The following AIG1 variants were observed in gnomAD, a reference collection of about 807,000 sequenced individuals.
The protein encoded by AIG1 is androgen-induced gene 1 protein.
In AIG1, 23 loss-of-function variants were observed where a neutral mutation model predicts 31.4. The observed-to-expected ratio is 0.73, with a 90% CI of 0.53 to 1.04. The LOEUF is 1.04. Ranked by LOEUF, AIG1 falls within the 50% of genes least tolerant of loss-of-function variation. The pLI is 0.00. For missense variants in AIG1, 274 were observed against 295.0 expected, an observed-to-expected ratio of 0.93 and a Z score of 0.52; for synonymous variants, 100 against 110.5, an observed-to-expected ratio of 0.90 and a Z score of 0.60.
intron 3 of AIG1, among the ~76,000 whole-genome samples, chr6:143,232,588 G>A (rs966291054): frequency 1.6e-4 from 25 of 152,192 alleles, no homozygotes; most frequent in African/African-American, 6.0e-4. Context: ...CTTCCTTTGA[G>A]GTAAAAATTG....
At chr6:143,217,907 CCTA>C (rs1290534409) in intron 3 of AIG1, among the ~76,000 whole-genome samples, 1 of 152,182 alleles carries the variant, frequency 6.6e-6, no homozygotes, top group African/African-American at 2.4e-5. Flanking sequence ...GTATTACCAA[CCTA>C]CTTTCCAGAA....
chr6:143,231,951 T>C (rs897851852), intron 3 of AIG1, among the ~76,000 whole-genome samples: 2 of 152,144 alleles, frequency 1.3e-5, no homozygotes, highest in South Asian at 2.1e-4. Context: ...TGGTGGAAGA[T>C]GAAAGGGAAA....
intron 3 of AIG1, among the ~76,000 whole-genome samples, chr6:143,282,469 A>G (rs962370347): frequency 1.3e-5 from 2 of 152,208 alleles, no homozygotes; most frequent in African/African-American, 4.8e-5. Context: ...ACTAGATTAT[A>G]ATGAAAAACC....
chr6:143,067,834 A>G (rs1480664467), intron 1 of AIG1, among the ~76,000 whole-genome samples: 1 of 152,146 alleles, frequency 6.6e-6, no homozygotes, highest in Non-Finnish European at 1.5e-5. Context: ...GGGGTTTTGG[A>G]TATTATACAG....
At position 143,171,696 on chromosome 6, in the gene AIG1, G is replaced by A. The variant is rs184561169; in HGVS notation, c.399+6513G>A. Among the ~76,000 whole-genome samples, 665 of 150,628 alleles carry A rather than the reference G, an allele frequency of 4.4e-3. 4 individuals carry two copies. The Middle Eastern group carries it at 0.072, about 16-fold the overall frequency. On this transcript the variant is annotated intron_variant, in intron 3 of 5. Transcript: ENST00000357847. ...CTTCTTTTCCTCTGAGTAGATACCC[G>A]GGAGTGGGATTTCTGTATCAAATGG...
chr6:143,262,592 G>T (rs1179419182), intron 3 of AIG1, among the ~76,000 whole-genome samples: 1 of 152,156 alleles, frequency 6.6e-6, no homozygotes, highest in Non-Finnish European at 1.5e-5. Flanking sequence ...AAGAAATAGG[G>T]ATTCTTACAG....
At chr6:143,073,057 A>G (rs1300052961) in intron 1 of AIG1, among the ~76,000 whole-genome samples, 1 of 152,142 alleles carries the variant, frequency 6.6e-6, no homozygotes, top group Non-Finnish European at 1.5e-5. Flanking sequence ...CGTGCCTGGT[A>G]ACCACTGTTT....
intron 3 of AIG1, among the ~76,000 whole-genome samples, chr6:143,166,386 TAACTCCATGGCTTTGC>T (rs1222027282): frequency 1.3e-5 from 2 of 152,212 alleles, no homozygotes; most frequent in Admixed American, 1.3e-4. Context: ...AAGCATGTCG[TAACTCCATGGCTTTGC>T]AATCTCCTGC....
intron 1 of AIG1, among the ~76,000 whole-genome samples, chr6:143,107,486 A>C (rs1366118849): frequency 1.3e-5 from 2 of 152,192 alleles, no homozygotes; most frequent in African/African-American, 4.8e-5. Flanking sequence ...AGATATTTTT[A>C]AACTATAAGT....
At chr6:143,190,828 T>C (rs922451034) in intron 3 of AIG1, among the ~76,000 whole-genome samples, 24 of 152,210 alleles carry the variant, frequency 1.6e-4, no homozygotes, top group Non-Finnish European at 2.8e-4. Context: ...TCTTTTCCTT[T>C]AAAAGTCAAT....
intron 3 of AIG1, among the ~76,000 whole-genome samples, chr6:143,262,954 T>C (rs1795903756): frequency 6.6e-6 from 1 of 152,166 alleles, no homozygotes; most frequent in Middle Eastern, 3.2e-3. Context: ...CATCCTGAAA[T>C]ATTATTCATA....
intron 3 of AIG1, among the ~76,000 whole-genome samples, chr6:143,254,291 T>A (rs1052459168): frequency 2.0e-5 from 3 of 152,282 alleles, no homozygotes; most frequent in Non-Finnish European, 2.9e-5. Context: ...TTCTGTAACC[T>A]GCAAGAAGCA....
At chr6:143,090,327 ATATAGT>A (rs767646118) in intron 1 of AIG1, among the ~76,000 whole-genome samples, 24 of 152,162 alleles carry the variant, frequency 1.6e-4, no homozygotes, top group Non-Finnish European at 2.5e-4. Context: ...CCATCCATAG[ATATAGT>A]TATATTTTTA....
intron 3 of AIG1, among the ~76,000 whole-genome samples, chr6:143,191,076 G>C (rs1789749931): frequency 6.6e-6 from 1 of 152,086 alleles, no homozygotes; most frequent in East Asian, 1.9e-4. Flanking sequence ...AAAAAATGTG[G>C]GTATTGGAAG....
At position 143,330,333 on chromosome 6, in the gene AIG1, C is replaced by T. The variant is rs1254963003; in HGVS notation, c.516-2949C>T. 6.6e-6 allele frequency among the ~76,000 whole-genome samples: 1 copy of T among 151,996 alleles called. No individual in the cohort carries two copies. The highest frequency in any genetic ancestry group is 1.5e-5 in the Non-Finnish European group (1 of 68,008). ...AGGTTGCAATTTTTAGATACAGTGG[C>T]CAGGGAAGACATCACTGGAAAGGTG... On this transcript the variant is annotated intron_variant, in intron 4 of 5. Transcript: ENST00000357847. The surrounding 1 kb of genome is among the most constrained non-coding windows in gnomAD (Gnocchi z 4.4).
intron 3 of AIG1, among the ~76,000 whole-genome samples, chr6:143,224,332 T>A (rs544291168): frequency 6.6e-6 from 1 of 152,210 alleles, no homozygotes; most frequent in Non-Finnish European, 1.5e-5. Flanking sequence ...TGACCTGCCA[T>A]TAAGTTGAGG....
rs143658534 is a variant in AIG1, at chr6:143,118,053, G to A, written c.142-18782G>A. Among the ~76,000 whole-genome samples the A allele has an allele frequency of 1.9e-3, 283 of 152,236 alleles. 1 individual carries two copies. Among genetic ancestry groups the A allele is most frequent in the African/African-American group, 6.3e-3 (262 of 41,534 alleles). ...GTATTTCAACAGATATAGTGATCTCGGCTTCTGATTTTGTTACATAAAAAC... is the reference window on the plus strand; with the variant it reads ...GTATTTCAACAGATATAGTGATCTCAGCTTCTGATTTTGTTACATAAAAAC... On this transcript the variant is annotated intron_variant, in intron 1 of 5. Transcript: ENST00000357847.
At chr6:143,215,983 CA>C (rs1464178853) in intron 3 of AIG1, among the ~76,000 whole-genome samples, 1 of 152,088 alleles carries the variant, frequency 6.6e-6, no homozygotes, top group Non-Finnish European at 1.5e-5. Context: ...ATTTTAATTA[CA>C]AAAACAGGTG....
At chr6:143,294,877 G>A (rs1798314979) in intron 4 of AIG1, among the ~76,000 whole-genome samples, 1 of 152,036 alleles carries the variant, frequency 6.6e-6, no homozygotes, top group South Asian at 2.1e-4. Context: ...AAACCTCAGT[G>A]TTGGAATTCT....
Sources: allele counts gnomAD v4.1 joint callset (sites outside exome capture counted in the v4.1 genomes callset), GRCh38; gene constraint gnomAD v4.1.1; non-coding constraint Gnocchi (gnomAD v3.1); transcripts MANE v1.5; gene names NCBI Gene and HGNC (gene_info 2026-07-23, HGNC 2026-07-21).